GAS7: variants seen among roughly 807,000 people sequenced by gnomAD.
GAS7 encodes the protein growth arrest specific 7.
Under a neutral mutation model 71.1 loss-of-function variants are expected in GAS7, and 28 were observed. The ratio of observed to expected loss-of-function variants is 0.39; its 90% CI spans 0.29 to 0.54. The LOEUF (loss-of-function observed/expected upper bound fraction) is 0.54, where lower values mean the gene tolerates loss of function less well. Ranked by LOEUF, GAS7 falls within the 20% of genes least tolerant of loss-of-function variation. The pLI, the probability that GAS7 is intolerant of heterozygous loss-of-function variation, is 0.62. For synonymous variants in GAS7, 258 were observed against 245.8 expected, an observed-to-expected ratio of 1.05 and a Z score of -0.46; for missense variants, 436 against 627.8, an observed-to-expected ratio of 0.69 and a Z score of 3.27.
intron 1 of GAS7, among the ~76,000 whole-genome samples, chr17:10,075,867 G>A (rs576914387): frequency 1.1e-4 from 16 of 151,272 alleles, no homozygotes; most frequent in Non-Finnish European, 2.4e-4. Flanking sequence ...GAGAGGCTGA[G>A]GTGGGCAAAT....
At chr17:10,183,693 T>G (rs1324755604) in intron 1 of GAS7, among the ~76,000 whole-genome samples, 1 of 152,014 alleles carries the variant, frequency 6.6e-6, no homozygotes, top group African/African-American at 2.4e-5. Context: ...ATACAAAAAA[T>G]TAGCCGGGCG....
rs751447144 is a variant in GAS7, at chr17:9,934,274, C to T, written c.807-30G>A. The T allele has an allele frequency of 7.3e-6, 11 of 1,502,434 alleles. No individual in the cohort carries two copies. In the East Asian group the frequency reaches 2.5e-4, roughly 34 times the overall value. The allele number at this position is 1,502,434 out of a possible 1,614,324, so 93.1% of individuals were successfully genotyped here. On this transcript the variant is annotated intron_variant, in intron 8 of 13. Coordinates refer to ENST00000432992, the MANE Select transcript of GAS7 (RefSeq NM_201433.2). ...AACACAAAGACCATGAGACTCAGGT[C>T]ACAAGCCAAAGCCCTTCCTGAGGCA... is the stretch of plus-strand genomic sequence containing the variant.
chr17:10,060,375 G>A (rs1159299972), intron 1 of GAS7, among the ~76,000 whole-genome samples: 3 of 152,202 alleles, frequency 2.0e-5, no homozygotes, highest in African/African-American at 7.2e-5. Context: ...TCAACCTCAT[G>A]ACTCCGGGAT....
chr17:10,156,606 C>T (rs930274875), intron 1 of GAS7, among the ~76,000 whole-genome samples: 4 of 152,188 alleles, frequency 2.6e-5, no homozygotes, highest in African/African-American at 7.2e-5. Flanking sequence ...CAGGGACCCT[C>T]GCACCCTCTG....
chr17:10,169,767 ACTAT>A (rs1349594616), intron 1 of GAS7, among the ~76,000 whole-genome samples: 7 of 152,146 alleles, frequency 4.6e-5, no homozygotes, highest in Non-Finnish European at 8.8e-5. Flanking sequence ...CGGCTTGAAG[ACTAT>A]CTACGCCATA....
At chr17:10,158,995 G>A (rs1382130830) in intron 1 of GAS7, among the ~76,000 whole-genome samples, 2 of 146,082 alleles carry the variant, frequency 1.4e-5, no homozygotes, top group Non-Finnish European at 3.0e-5. Context: ...AGGAAGTGGA[G>A]GCTGCAGTGA....
At chr17:10,144,155 G>A (rs1017355353) in intron 1 of GAS7, among the ~76,000 whole-genome samples, 8 of 152,222 alleles carry the variant, frequency 5.3e-5, no homozygotes, top group African/African-American at 9.6e-5. Flanking sequence ...CAAGGACTGT[G>A]GGGTACAGAG....
chr17:9,966,788 G>C (rs2069733624), intron 4 of GAS7, among the ~76,000 whole-genome samples: 1 of 152,206 alleles, frequency 6.6e-6, no homozygotes, highest in Non-Finnish European at 1.5e-5. Context: ...GAGCCCAGCA[G>C]TTCCAAGCTG....
intron 4 of GAS7, among the ~76,000 whole-genome samples, chr17:9,960,967 G>C (rs764917760): frequency 6.6e-6 from 1 of 152,102 alleles, no homozygotes; most frequent in Non-Finnish European, 1.5e-5. Flanking sequence ...CAAGCTTTGA[G>C]GTGCATCAGA....
chr17:9,929,958 T>G (rs1045290893), intron 9 of GAS7, among the ~76,000 whole-genome samples: 1 of 152,184 alleles, frequency 6.6e-6, no homozygotes, highest in African/African-American at 2.4e-5. Context: ...TTTCCAAAAC[T>G]CTCGCTCTCT....
chr17:10,047,767 T>A (rs1334384259), intron 1 of GAS7, among the ~76,000 whole-genome samples: 2 of 152,210 alleles, frequency 1.3e-5, no homozygotes, highest in African/African-American at 4.8e-5. Flanking sequence ...AAATCCATAT[T>A]TAGTTGTAGT....
At chr17:10,191,605 G>A (rs1384076785) in intron 1 of GAS7, among the ~76,000 whole-genome samples, 6 of 146,648 alleles carry the variant, frequency 4.1e-5, no homozygotes, top group East Asian at 2.0e-4. Flanking sequence ...GGCTGGGCAC[G>A]GTGGCTCACG....
intron 2 of GAS7, among the ~76,000 whole-genome samples, chr17:10,008,096 T>C (rs1389707018): frequency 6.6e-6 from 1 of 152,228 alleles, no homozygotes; most frequent in Non-Finnish European, 1.5e-5. Flanking sequence ...AATATACCAT[T>C]GTATGGCTAA....
In GAS7 at chr17:9,919,313, C is replaced by CCTT. The variant is rs2067708333; in HGVS notation, c.1218+312_1218+313insAAG. On this transcript the variant is annotated intron_variant, in intron 12 of 13. Coordinates refer to ENST00000432992, the MANE Select transcript of GAS7 (RefSeq NM_201433.2). The surrounding 1 kb of genome is among the most constrained non-coding windows in gnomAD (Gnocchi z 5.0). ...TCTTCCTATAGCTTGGCTATTTTTC[C>CCTT]TAAAGAGGCCCTTGTCCACTTAGTT... 6.6e-6 allele frequency among the ~76,000 whole-genome samples: 1 copy of CCTT among 152,066 alleles called. No individual in the cohort carries two copies.
chr17:9,972,018 C>A (rs534008189), intron 3 of GAS7, among the ~76,000 whole-genome samples: 3 of 152,194 alleles, frequency 2.0e-5, no homozygotes, highest in Non-Finnish European at 4.4e-5. Flanking sequence ...CGCAGCTGGG[C>A]TTCTCCCCCA....
At chr17:10,120,498 G>A (rs375027380) in intron 1 of GAS7, among the ~76,000 whole-genome samples, 2 of 152,274 alleles carry the variant, frequency 1.3e-5, no homozygotes, top group South Asian at 2.1e-4. Flanking sequence ...ATCACCTGAG[G>A]TCAGGAGTTC....
At position 10,049,196 on chromosome 17, in the gene GAS7, C is replaced by G. The variant is rs1359735803; in HGVS notation, c.184-29299G>C. ...AAGCAACACTGTGCTATGTAAGGCA[C>G]CACAGTGGCCATTTTCTTCGCCGTG... On this transcript the variant is annotated intron_variant, in intron 1 of 13. Transcript: ENST00000432992. 2.0e-5 allele frequency among the ~76,000 whole-genome samples: 3 copies of G among 152,210 alleles called. No homozygotes were observed. In the East Asian group the frequency reaches 5.8e-4, roughly 29 times the overall value.
At chr17:10,037,127 G>C (rs2072768029) in intron 1 of GAS7, among the ~76,000 whole-genome samples, 1 of 152,214 alleles carries the variant, frequency 6.6e-6, no homozygotes, top group South Asian at 2.1e-4. Flanking sequence ...AAGGTCTCTT[G>C]CCTTCACTCT....
In GAS7 at chr17:9,926,618, G is replaced by C; in HGVS notation, c.1014+23C>G. 6.2e-7 allele frequency: 1 copy of C among 1,611,164 alleles called. No homozygotes were observed. Among genetic ancestry groups the C allele is most frequent in the Admixed American group, 1.7e-5 (1 of 60,024 alleles). ...GGCAGTCCCCCATGCACCTGCCCTGGCCCAGCGTCCTGGGCCTCTCACCTT... is the reference window on the plus strand; with the variant it reads ...GGCAGTCCCCCATGCACCTGCCCTGCCCCAGCGTCCTGGGCCTCTCACCTT... On this transcript the variant is annotated intron_variant, in intron 10 of 13. Transcript: ENST00000432992. The surrounding 1 kb of genome is among the most constrained non-coding windows in gnomAD (Gnocchi z 5.0).
Sources: allele counts gnomAD v4.1 joint callset (sites outside exome capture counted in the v4.1 genomes callset), GRCh38; gene constraint gnomAD v4.1.1; non-coding constraint Gnocchi (gnomAD v3.1); transcripts MANE v1.5; gene names NCBI Gene and HGNC (gene_info 2026-07-23, HGNC 2026-07-21).